The following DERL1 variants were observed in gnomAD, a reference collection of about 807,000 sequenced individuals.
DERL1 encodes derlin-1.
DERL1 carries 24 observed loss-of-function variants against 41.6 expected under a neutral mutation model. The ratio of observed to expected loss-of-function variants is 0.58; its 90% CI spans 0.42 to 0.81. The LOEUF is 0.81. Among genes scored for constraint, DERL1 ranks in the 30% least tolerant of loss-of-function variants. DERL1 has a pLI of 0.00. For missense variants in DERL1, 260 were observed against 314.3 expected (o/e 0.83, Z 1.31); for synonymous variants, 124 against 112.5 (o/e 1.10, Z -0.65).
At position 123,015,252 on chromosome 8, in the gene DERL1, G is replaced by A; in HGVS notation, c.*195C>T. On this transcript the variant is annotated 3_prime_UTR_variant, in exon 8 of 8. Transcript: ENST00000259512. ...TGGTATTTGTTCTTCACAGCAGTAA[G>A]GACTTGAATGAGAATCGTGAAACTT... The A allele has an allele frequency of 2.7e-6, 2 of 735,210 alleles. No homozygotes were observed. The highest frequency in any genetic ancestry group is 4.1e-6 in the Non-Finnish European group (2 of 484,612). 45.5% of individuals were successfully genotyped at this position (735,210 alleles called of 1,614,324 possible). A position where few individuals can be genotyped will look rare whatever the true frequency, so the allele number is the denominator to read the frequency against.
chr8:123,040,173 C>A (rs1189575706), intron 1 of DERL1, among the ~76,000 whole-genome samples: 1 of 152,022 alleles, frequency 6.6e-6, no homozygotes, highest in Non-Finnish European at 1.5e-5. Context: ...ACCAAGATTG[C>A]GCCATATACA....
intron 6 of DERL1, 33 bp downstream of exon 6, chr8:123,021,414 A>G: frequency 6.3e-7 from 1 of 1,588,086 alleles, no homozygotes; most frequent in South Asian, 1.1e-5. Context: ...TCCAAGGATT[A>G]GTTTCCAATT....
intron 1 of DERL1, among the ~76,000 whole-genome samples, chr8:123,037,655 T>C (rs1047059379): frequency 1.3e-5 from 2 of 152,236 alleles, no homozygotes; most frequent in African/African-American, 2.4e-5. Context: ...TTTTGCTACA[T>C]ACTTATTTTT....
intron 2 of DERL1, chr8:123,025,672 T>C (rs937666819): frequency 5.9e-5 from 9 of 152,382 alleles, no homozygotes; most frequent in African/African-American, 2.2e-4. Context: ...ACGTACATTC[T>C]ACCAAGGGAA....
chr8:123,013,484 T>A lies in DERL1; in HGVS notation c.*1963A>T, dbSNP rs1345522007. On this transcript the variant is annotated 3_prime_UTR_variant, in exon 8 of 8. Transcript: ENST00000259512. ...CACTGTCATGTTTTGCCTTGTCAAGTCAAAACTCAAATAGCTTGTTTTGGT... is the reference window on the plus strand; with the variant it reads ...CACTGTCATGTTTTGCCTTGTCAAGACAAAACTCAAATAGCTTGTTTTGGT... The A allele has an allele frequency of 1.3e-5, 2 of 152,202 alleles. No individual in the cohort carries two copies. The highest frequency in any genetic ancestry group is 2.9e-5 in the Non-Finnish European group (2 of 68,018). 9.4% of individuals were successfully genotyped at this position (152,202 alleles called of 1,614,324 possible).
At chr8:123,041,944 C>A in intron 1 of DERL1, 26 bp downstream of exon 1, 1 of 1,585,176 alleles carries the variant, frequency 6.3e-7, no homozygotes, top group Non-Finnish European at 8.6e-7. Flanking sequence ...CCTGTAGTCT[C>A]CACGCCCCCC....
At position 123,015,415 on chromosome 8, in the gene DERL1, C is replaced by CT; in HGVS notation, c.*31dup. On this transcript the variant is annotated 3_prime_UTR_variant, in exon 8 of 8. Coordinates refer to ENST00000259512, the MANE Select transcript of DERL1 (RefSeq NM_024295.6). ...CACCCAGCACTGGGAGGAAATGTGG[C>CT]TTGAGAGGAGCGGCTGCCCGAGGCC... 1 of 1,607,632 alleles carries CT rather than the reference C, an allele frequency of 6.2e-7. No individual in the cohort carries two copies. The highest frequency in any genetic ancestry group is 1.1e-5 in the South Asian group (1 of 89,516).
chr8:123,022,754 G>A lies in DERL1; in HGVS notation c.383C>T (p.Ser128Leu). The A allele has an allele frequency of 6.2e-7, 1 of 1,614,062 alleles. No homozygotes were observed. The highest frequency in any genetic ancestry group is 8.5e-7 in the Non-Finnish European group (1 of 1,179,982). Residue 128 changes from serine (S) to leucine (L), a missense_variant, in exon 5 of 8, where the codon TCA (serine) becomes TTA (leucine). Transcript: ENST00000259512. ...CAGCTGGGCCCAGACATAAAGTACTGACATGATCAGAGGAATCATCAGCAA... is the reference window on the plus strand; with the variant it reads ...CAGCTGGGCCCAGACATAAAGTACTAACATGATCAGAGGAATCATCAGCAA... ...MQLLMIPLIM[S>L]VLYVWAQLNR...
At chr8:123,023,910 G>A (rs1445068618) in intron 3 of DERL1, among the ~76,000 whole-genome samples, 171 bp from the exon 4 acceptor site, 1 of 152,076 alleles carries the variant, frequency 6.6e-6, no homozygotes. Flanking sequence ...TTGAGGCCAG[G>A]AGCTCCAGAC....
intron 7 of DERL1, chr8:123,018,011 A>T (rs1289481256): frequency 6.6e-6 from 1 of 152,232 alleles, no homozygotes; most frequent in Admixed American, 6.5e-5. Flanking sequence ...ATCTCTGTAT[A>T]TTACAGTTCA....
rs1206925790 is a variant in DERL1, at chr8:123,014,382, G to A, written c.*1065C>T. On this transcript the variant is annotated 3_prime_UTR_variant, in exon 8 of 8. Coordinates refer to ENST00000259512, the MANE Select transcript of DERL1 (RefSeq NM_024295.6). ...AAAAATGATCTACGTGCAGAGAGGAGCTGCGCCTTCCTCACAATTAATTGA... is the reference window on the plus strand; with the variant it reads ...AAAAATGATCTACGTGCAGAGAGGAACTGCGCCTTCCTCACAATTAATTGA... 1 of 152,698 alleles carries A rather than the reference G, an allele frequency of 6.5e-6. No homozygotes were observed. Among genetic ancestry groups the A allele is most frequent in the Non-Finnish European group, 1.5e-5 (1 of 68,054 alleles). The allele number at this position is 152,698 out of a possible 1,614,324, so 9.5% of individuals were successfully genotyped here. A position where few individuals can be genotyped will look rare whatever the true frequency, so the allele number is the denominator to read the frequency against.
In DERL1 at chr8:123,015,492, G is replaced by A. The variant is rs573833417; in HGVS notation, c.711C>T (p.Gly237=). ...AGCCCTGGCCCCAGTTGTGTCTCCC[G>A]CCTCCGCCATTCTGATCAGCAGCTC... The part of the protein sequence containing the change: ...MRRAADQNGG[G]GRHNWGQGFR... The change falls in exon 8 of 8, where the codon GGC becomes GGT. Residue 237 remains glycine, a synonymous_variant. Coordinates refer to ENST00000259512, the MANE Select transcript of DERL1 (RefSeq NM_024295.6). 3.2e-5 allele frequency: 51 copies of A among 1,613,032 alleles called. No individual in the cohort carries two copies. In the Middle Eastern group the frequency reaches 5.0e-4, roughly 16 times the overall value.
chr8:123,026,139 G>GA (rs1812684255), intron 2 of DERL1, among the ~76,000 whole-genome samples: 1 of 151,964 alleles, frequency 6.6e-6, no homozygotes, highest in Non-Finnish European at 1.5e-5. Flanking sequence ...ATAATTAAAA[G>GA]AAAATAGGTT....
chr8:123,023,732 C>A lies in DERL1; in HGVS notation c.338G>T (p.Gly113Val). The A allele has an allele frequency of 1.2e-6, 2 of 1,610,326 alleles. No individual in the cohort carries two copies. Among genetic ancestry groups the A allele is most frequent in the Non-Finnish European group, 1.7e-6 (2 of 1,178,344 alleles). The change falls in exon 4 of 8, where the codon GGC becomes GTC. Residue 113 changes from glycine (G) to valine (V), a missense_variant. Gly to Val is a moderately radical substitution (Grantham distance 109). Coordinates refer to ENST00000259512, the MANE Select transcript of DERL1 (RefSeq NM_024295.6). The part of the protein sequence containing the change: ...LFNWICIVIT[G>V]LAMDMQLLMI... ...ACTTACCTGCATATCCATTGCTAAG[C>A]CAGTAATCTTGGTTTGTAAAGTTAA...
intron 2 of DERL1, chr8:123,030,317 GCACACAGCTCAGC>G (rs1364745966): frequency 8.3e-6 from 2 of 242,382 alleles, no homozygotes; most frequent in Non-Finnish European, 1.6e-5. Context: ...TAAATGAAAG[GCACACAGCTCAGC>G]CACTAAGGAG....
At chr8:123,030,552 T>C in intron 2 of DERL1, 53 bp downstream of exon 2, 1 of 1,297,892 alleles carries the variant, frequency 7.7e-7, no homozygotes, top group Non-Finnish European at 1.1e-6. Flanking sequence ...AGTAAACACA[T>C]GGATTAGTAA....
intron 1 of DERL1, among the ~76,000 whole-genome samples, chr8:123,032,890 G>C (rs189841032): frequency 1.4e-5 from 2 of 140,396 alleles, no homozygotes; most frequent in Non-Finnish European, 1.5e-5. Flanking sequence ...TTGAGACAAG[G>C]TCTCAGTCTG....
chr8:123,018,506 A>C (rs939885744), intron 7 of DERL1: 1 of 152,190 alleles, frequency 6.6e-6, no homozygotes, highest in Non-Finnish European at 1.5e-5. Context: ...CTTCTCCCAC[A>C]ATTTACAGGC....
rs570933003 is a variant in DERL1, at chr8:123,041,147, G to C, written c.153+823C>G. On this transcript the variant is annotated intron_variant, in intron 1 of 7. Transcript: ENST00000259512. ...GTCAGGAAGATAAGGAACCAGCAAA[G>C]GAAACCAAGAAGTAACACCCAGTGA... Among the ~76,000 whole-genome samples, 5 of 152,170 alleles carry C rather than the reference G, an allele frequency of 3.3e-5. No homozygotes were observed. In the South Asian group the frequency reaches 8.3e-4, roughly 25 times the overall value.
Sources: gnomAD v4.1 joint callset for allele counts (sites outside exome capture counted in the v4.1 genomes callset) on GRCh38, gnomAD v4.1.1 for gene constraint, MANE v1.5 for transcripts, NCBI Gene and HGNC (gene_info 2026-07-23, HGNC 2026-07-21) for gene names.